FOLH1: variants seen among roughly 807,000 people sequenced by gnomAD.
FOLH1 encodes the protein folate hydrolase 1.
FOLH1 carries 54 observed loss-of-function variants against 93.9 expected under a neutral mutation model. That is an observed-to-expected ratio of 0.57 (90% CI 0.46 to 0.72). The LOEUF (loss-of-function observed/expected upper bound fraction) is 0.72, where lower values mean the gene tolerates loss of function less well. FOLH1 is among the 30% of genes least tolerant of loss of function. The probability of loss-of-function intolerance (pLI) is 0.00; values close to 1 mark genes in which losing one functional copy is unlikely to be tolerated. For synonymous variants in FOLH1, 249 were observed against 303.6 expected (o/e 0.82, Z 1.87); for missense variants, 571 against 892.5 (o/e 0.64, Z 4.59).
intron 13 of FOLH1, among the ~76,000 whole-genome samples, chr11:49,161,197 T>C (rs540508861): frequency 2.0e-5 from 3 of 152,158 alleles, no homozygotes; most frequent in Non-Finnish European, 4.4e-5. Flanking sequence ...TTTTATGTCT[T>C]GAAAATTAAT....
chr11:49,189,596 G>A (rs1280886885), intron 4 of FOLH1, among the ~76,000 whole-genome samples: 1 of 152,068 alleles, frequency 6.6e-6, no homozygotes, highest in African/African-American at 2.4e-5. Context: ...TTTTGACTTA[G>A]GATATTTTCA....
chr11:49,204,698 T>G (rs1438710635), intron 2 of FOLH1, among the ~76,000 whole-genome samples: 2 of 152,192 alleles, frequency 1.3e-5, no homozygotes, highest in Non-Finnish European at 2.9e-5. Flanking sequence ...AATTCTGTTG[T>G]AATTAATACA....
At chr11:49,170,161 C>T (rs1335882525) in intron 11 of FOLH1, among the ~76,000 whole-genome samples, 3 of 152,088 alleles carry the variant, frequency 2.0e-5, no homozygotes, top group Admixed American at 6.6e-5. Flanking sequence ...CATATATTTA[C>T]TTTATAGCTA....
intron 7 of FOLH1, among the ~76,000 whole-genome samples, chr11:49,181,692 A>T (rs1565182046): frequency 6.6e-6 from 1 of 152,124 alleles, no homozygotes; most frequent in Non-Finnish European, 1.5e-5. Flanking sequence ...GTCTTTATTT[A>T]TACATATTTT....
chr11:49,155,108 T>C (rs964501410), intron 15 of FOLH1, among the ~76,000 whole-genome samples: 34 of 152,086 alleles, frequency 2.2e-4, no homozygotes, highest in African/African-American at 8.2e-4. Context: ...TTATCACTTT[T>C]GATCATCTTA....
chr11:49,163,400 C>A (rs931727314), intron 13 of FOLH1, among the ~76,000 whole-genome samples: 3 of 152,058 alleles, frequency 2.0e-5, no homozygotes, highest in African/African-American at 7.2e-5. Flanking sequence ...GGTACCGCTT[C>A]CACCCCCAGT....
intron 4 of FOLH1, among the ~76,000 whole-genome samples, chr11:49,188,953 A>G (rs1056771239): frequency 4.6e-5 from 7 of 152,226 alleles, no homozygotes; most frequent in African/African-American, 1.7e-4. Context: ...AACCATTTGA[A>G]TTGCTAAGAA....
chr11:49,175,022 A>G, intron 8 of FOLH1, 45 bp from the exon 9 acceptor site: 1 of 1,542,004 alleles, frequency 6.5e-7, no homozygotes, highest in Non-Finnish European at 8.9e-7. Flanking sequence ...AAACTGGTTA[A>G]CAGATTAACA....
intron 2 of FOLH1, among the ~76,000 whole-genome samples, chr11:49,202,587 C>A (rs2135327959): frequency 6.6e-6 from 1 of 152,336 alleles, no homozygotes; most frequent in Middle Eastern, 3.4e-3. Context: ...CTCAAGGCAT[C>A]TGCCTGCCTT....
chr11:49,178,961 A>G (rs1414115843), intron 7 of FOLH1, among the ~76,000 whole-genome samples: 1 of 152,208 alleles, frequency 6.6e-6, no homozygotes, highest in Non-Finnish European at 1.5e-5. Flanking sequence ...CAGTCTTTCC[A>G]CCAAAGAGTT....
At chr11:49,183,471 G>A (rs1451851240) in intron 6 of FOLH1, among the ~76,000 whole-genome samples, 1 of 152,060 alleles carries the variant, frequency 6.6e-6, no homozygotes, top group Admixed American at 6.6e-5. Context: ...CTTTTGAAAA[G>A]CAATGTCAAG....
intron 9 of FOLH1, among the ~76,000 whole-genome samples, chr11:49,174,527 T>A (rs1314384650): frequency 1.3e-5 from 2 of 152,142 alleles, no homozygotes; most frequent in Non-Finnish European, 2.9e-5. Flanking sequence ...TTTATATAGA[T>A]GTTTATAGTT....
At chr11:49,164,389 A>G (rs1005805562) in intron 13 of FOLH1, among the ~76,000 whole-genome samples, 1 of 152,214 alleles carries the variant, frequency 6.6e-6, no homozygotes, top group Non-Finnish European at 1.5e-5. Flanking sequence ...CCATAGGACC[A>G]AGTCTTGGTT....
At chr11:49,195,849 A>G (rs2135279000) in intron 3 of FOLH1, among the ~76,000 whole-genome samples, 1 of 152,352 alleles carries the variant, frequency 6.6e-6, no homozygotes, top group South Asian at 2.1e-4. Context: ...GAAAACTGAC[A>G]TAAGAATACA....
chr11:49,147,221 G>A (rs1449219100), intron 18 of FOLH1, among the ~76,000 whole-genome samples: 1 of 152,070 alleles, frequency 6.6e-6, no homozygotes, highest in Non-Finnish European at 1.5e-5. Context: ...GGTATTTAAT[G>A]TTTACTTGCA....
chr11:49,192,627 T>C, intron 4 of FOLH1, 166 bp downstream of exon 4: 1 of 428,074 alleles, frequency 2.3e-6, no homozygotes, highest in Non-Finnish European at 4.2e-6. Flanking sequence ...TAATAAAATA[T>C]AATCAATATT....
intron 12 of FOLH1, among the ~76,000 whole-genome samples, chr11:49,167,958 G>A (rs565067770): frequency 1.3e-5 from 2 of 149,326 alleles, no homozygotes; most frequent in Admixed American, 6.6e-5. Context: ...CTCCATCAAG[G>A]TCTCATGTTC....
chr11:49,192,933 A>G, intron 3 of FOLH1, 39 bp from the exon 4 acceptor site: 4 of 1,520,628 alleles, frequency 2.6e-6, no homozygotes, highest in Non-Finnish European at 3.6e-6. Flanking sequence ...TAAAACAGTT[A>G]AAGTTTGATT....
intron 2 of FOLH1, among the ~76,000 whole-genome samples, chr11:49,204,009 AC>A (rs1213392087): frequency 6.6e-6 from 1 of 152,214 alleles, no homozygotes; most frequent in Non-Finnish European, 1.5e-5. Context: ...CGTGTTAGAG[AC>A]AAAAATGGTA....
Sources: gnomAD v4.1 joint callset for allele counts (sites outside exome capture counted in the v4.1 genomes callset) on GRCh38, gnomAD v4.1.1 for gene constraint, MANE v1.5 for transcripts, NCBI Gene and HGNC (gene_info 2026-07-23, HGNC 2026-07-21) for gene names.